UBAP1: variants seen among roughly 807,000 people sequenced by gnomAD.
UBAP1 encodes ubiquitin associated protein 1.
In UBAP1, 5 loss-of-function variants were observed where a neutral mutation model predicts 39.0. The ratio of observed to expected loss-of-function variants is 0.13; its 90% CI spans 0.07 to 0.27. UBAP1 has a LOEUF of 0.27. UBAP1 is among the 10% of genes least tolerant of loss of function. The pLI, the probability that UBAP1 is intolerant of heterozygous loss-of-function variation, is 1.00. For missense variants in UBAP1, 490 were observed against 608.1 expected, an observed-to-expected ratio of 0.81 and a Z score of 2.04; for synonymous variants, 211 against 225.1, an observed-to-expected ratio of 0.94 and a Z score of 0.56.
chr9:34,188,221 C>A (rs886928040), intron 1 of UBAP1, among the ~76,000 whole-genome samples: 1 of 150,448 alleles, frequency 6.6e-6, no homozygotes, highest in East Asian at 2.0e-4. Context: ...TTTATTTATA[C>A]AAATAGTATA....
chr9:34,229,520 T>C (rs983640902), intron 2 of UBAP1, among the ~76,000 whole-genome samples: 3 of 151,344 alleles, frequency 2.0e-5, no homozygotes, highest in African/African-American at 7.3e-5. Flanking sequence ...CCTCCCAAAG[T>C]GCTGGGATTA....
At position 34,250,658 on chromosome 9, in the gene UBAP1, A is replaced by G. The variant is rs761164267; in HGVS notation, c.1267A>G (p.Ile423Val). ...MKKKGENIEQ[I>V]LDYLFAHGQL... ...CTAAACCCCTTGTTTCTTTTCTTAG[A>G]TTCTCGACTATCTCTTTGCACATGG... The change falls in exon 6 of 7, where the codon ATT becomes GTT. Residue 423 changes from isoleucine (I) to valine (V), a missense_variant and splice_region_variant. Around this residue, in one of 3 missense-constraint regions of UBAP1, gnomAD observed 339 missense variants for 390.0 expected, o/e 0.87. Transcript: ENST00000297661. 8 of 1,612,058 alleles carry G rather than the reference A, an allele frequency of 5.0e-6. No individual in the cohort carries two copies. Among genetic ancestry groups the G allele is most frequent in the Non-Finnish European group, 6.8e-6 (8 of 1,178,724 alleles).
chr9:34,182,681 T>TCTCTCTC (rs1554645042), intron 1 of UBAP1, among the ~76,000 whole-genome samples: 1,226 of 115,338 alleles, frequency 0.011, 25 homozygotes, highest in East Asian at 0.038. Flanking sequence ...CTTTCTTTCT[T>TCTCTCTC]TCTCTCTCTC....
At chr9:34,186,876 T>C (rs1221472973) in intron 1 of UBAP1, among the ~76,000 whole-genome samples, 6 of 152,074 alleles carry the variant, frequency 3.9e-5, no homozygotes, top group African/African-American at 1.4e-4. Context: ...TTTCAGTCTT[T>C]CATGGTTTGT....
chr9:34,219,237 C>T (rs1233071521), intron 1 of UBAP1, among the ~76,000 whole-genome samples: 2 of 151,928 alleles, frequency 1.3e-5, no homozygotes, highest in Non-Finnish European at 2.9e-5. Flanking sequence ...TACAGGCATG[C>T]AACACCACAC....
At chr9:34,249,496 C>G (rs564788204) in intron 4 of UBAP1, among the ~76,000 whole-genome samples, 2 of 152,254 alleles carry the variant, frequency 1.3e-5, no homozygotes, top group Admixed American at 1.3e-4. Context: ...AAGGGCCTGT[C>G]GTGTTGTGGC....
intron 4 of UBAP1, among the ~76,000 whole-genome samples, chr9:34,243,150 T>C (rs1209393822): frequency 1.3e-5 from 2 of 152,210 alleles, no homozygotes; most frequent in Non-Finnish European, 2.9e-5. Context: ...TGGTCAGTTG[T>C]TGGGCTCTGG....
intron 1 of UBAP1, among the ~76,000 whole-genome samples, chr9:34,191,098 C>G (rs1252116859): frequency 2.0e-5 from 3 of 152,062 alleles, no homozygotes; most frequent in African/African-American, 4.8e-5. Context: ...TGATATGTCT[C>G]CAACATTGAC....
intron 1 of UBAP1, among the ~76,000 whole-genome samples, chr9:34,191,074 G>T (rs1295077751): frequency 6.6e-6 from 1 of 152,078 alleles, no homozygotes; most frequent in Non-Finnish European, 1.5e-5. Context: ...GAGACATTCT[G>T]TATCTGTCCT....
At chr9:34,250,083 C>A (rs1834393740) in intron 5 of UBAP1, 122 bp downstream of exon 5, 1 of 1,055,386 alleles carries the variant, frequency 9.5e-7, no homozygotes, top group Non-Finnish European at 1.4e-6. Context: ...TTTGTGAGGA[C>A]ACGGGGCATG....
intron 1 of UBAP1, among the ~76,000 whole-genome samples, chr9:34,208,021 C>T (rs747793557): frequency 3.3e-5 from 5 of 152,168 alleles, no homozygotes; most frequent in Non-Finnish European, 4.4e-5. Context: ...CACTAGTCAG[C>T]ATAATCTGGT....
At chr9:34,227,884 T>C (rs976100406) in intron 2 of UBAP1, among the ~76,000 whole-genome samples, 6 of 152,208 alleles carry the variant, frequency 3.9e-5, no homozygotes, top group Non-Finnish European at 8.8e-5. Flanking sequence ...AATTCCACTT[T>C]GGGAGGCTGA....
At chr9:34,217,973 C>T (rs921650954) in intron 1 of UBAP1, among the ~76,000 whole-genome samples, 3 of 150,602 alleles carry the variant, frequency 2.0e-5, no homozygotes, top group African/African-American at 7.3e-5. Flanking sequence ...AAGCATCTGG[C>T]TGGGTGCAGT....
chr9:34,197,362 A>G (rs1159870088), intron 1 of UBAP1, among the ~76,000 whole-genome samples: 2 of 150,954 alleles, frequency 1.3e-5, no homozygotes, highest in Non-Finnish European at 3.0e-5. Flanking sequence ...GCTAGTCTCA[A>G]ACAGCCGGGG....
At chr9:34,250,836 CCA>C in intron 6 of UBAP1, 77 bp downstream of exon 6, 1 of 1,219,560 alleles carries the variant, frequency 8.2e-7, no homozygotes, top group Non-Finnish European at 1.2e-6. Flanking sequence ...CTCCCTTGGC[CCA>C]CACACAACCT....
rs535971976 is a variant in UBAP1, at chr9:34,190,378, C to T, written c.-8+11138C>T. ...GGTCTTGGCTCACTGCAACCTCTGC[C>T]TCCTGGGTCCAAGCGATTCTCCTGC... On this transcript the variant is annotated intron_variant, in intron 1 of 6. Transcript: ENST00000297661. Among the ~76,000 whole-genome samples, 8 of 152,168 alleles carry T rather than the reference C, an allele frequency of 5.3e-5. No individual in the cohort carries two copies. The East Asian group carries it at 1.4e-3, about 26-fold the overall frequency.
chr9:34,235,307 A>ATGTGTGTG, intron 3 of UBAP1, among the ~76,000 whole-genome samples: 1 of 140,478 alleles, frequency 7.1e-6, no homozygotes, highest in South Asian at 2.3e-4. Context: ...GTATATATAT[A>ATGTGTGTG]TGTGTGTGTG....
At chr9:34,188,406 C>G (rs1177567675) in intron 1 of UBAP1, among the ~76,000 whole-genome samples, 1 of 139,826 alleles carries the variant, frequency 7.2e-6, no homozygotes, top group Non-Finnish European at 1.5e-5. Context: ...AATTTGAATG[C>G]TAAACTTAGT....
intron 1 of UBAP1, among the ~76,000 whole-genome samples, chr9:34,193,426 G>T (rs917532054): frequency 6.6e-6 from 1 of 152,122 alleles, no homozygotes; most frequent in Non-Finnish European, 1.5e-5. Context: ...GACCAAAAGT[G>T]TGGGGGTTTT....
Sources: gnomAD v4.1 joint callset for allele counts (sites outside exome capture counted in the v4.1 genomes callset) on GRCh38, gnomAD v4.1.1 for gene constraint, gnomAD v4.1.1 regional missense constraint, MANE v1.5 for transcripts, NCBI Gene and HGNC (gene_info 2026-07-23, HGNC 2026-07-21) for gene names.